The following IQCM variants were observed in gnomAD, a reference collection of about 807,000 sequenced individuals.
IQCM encodes IQ motif containing M, also known as IQ domain-containing protein M.
Under a neutral mutation model 57.6 loss-of-function variants are expected in IQCM, and 45 were observed. The observed-to-expected ratio is 0.78, with a 90% CI of 0.62 to 1.00. IQCM has a LOEUF of 1.00. Among genes scored for constraint, IQCM ranks in the 50% least tolerant of loss-of-function variants. IQCM has a pLI of 0.00. For synonymous variants in IQCM, 148 were observed against 158.9 expected (o/e 0.93, Z 0.51); for missense variants, 468 against 511.6 (o/e 0.91, Z 0.82).
chr4:149,372,993 A>G (rs186369587), intron 13 of IQCM, among the ~76,000 whole-genome samples: 7 of 152,292 alleles, frequency 4.6e-5, no homozygotes, highest in Admixed American at 4.6e-4. Context: ...AAGACAGAAT[A>G]AACAGAATAG....
At chr4:149,694,288 G>T (rs1018605189) in intron 5 of IQCM, among the ~76,000 whole-genome samples, 5 of 145,516 alleles carry the variant, frequency 3.4e-5, no homozygotes, top group African/African-American at 1.3e-4. Context: ...GCAGTGGCGG[G>T]ATCTCGGCTC....
intron 12 of IQCM, among the ~76,000 whole-genome samples, chr4:149,460,197 T>C (rs986074231): frequency 2.0e-5 from 3 of 152,174 alleles, no homozygotes; most frequent in African/African-American, 2.4e-5. Context: ...TTTCGTGTGC[T>C]TATTAGCCAT....
chr4:149,741,542 T>C (rs1341185535), intron 3 of IQCM, among the ~76,000 whole-genome samples: 1 of 152,130 alleles, frequency 6.6e-6, no homozygotes, highest in Non-Finnish European at 1.5e-5. Context: ...TTCTGTGTTA[T>C]CCACATAAAA....
chr4:149,482,512 C>G (rs564428181), intron 12 of IQCM, among the ~76,000 whole-genome samples: 1 of 151,700 alleles, frequency 6.6e-6, no homozygotes, highest in South Asian at 2.1e-4. Flanking sequence ...TTATGAAATT[C>G]TTTTTTAGAA....
chr4:149,766,298 T>C (rs550698050), intron 2 of IQCM, among the ~76,000 whole-genome samples: 1 of 152,136 alleles, frequency 6.6e-6, no homozygotes. Context: ...CTCTGTGTTC[T>C]TGGAAAATGT....
intron 12 of IQCM, among the ~76,000 whole-genome samples, chr4:149,441,811 G>C (rs1013956464): frequency 6.6e-6 from 1 of 152,126 alleles, no homozygotes; most frequent in African/African-American, 2.4e-5. Flanking sequence ...AATTCAGCTT[G>C]ACATTTAGTT....
At chr4:149,442,951 CACAG>C (rs1256649958) in intron 12 of IQCM, among the ~76,000 whole-genome samples, 2,751 of 110,986 alleles carry the variant, frequency 0.025, 24 homozygotes, top group South Asian at 0.029. Context: ...CACACACACA[CACAG>C]AGAGAGAGAG....
Position 149,547,852 on chromosome 4 carries a change from A to G in IQCM, c.1228+603T>C, listed in dbSNP as rs548728229. 2.6e-5 allele frequency among the ~76,000 whole-genome samples: 4 copies of G among 152,304 alleles called. No individual in the cohort carries two copies. In the South Asian group the frequency reaches 8.3e-4, roughly 32 times the overall value. ...AAAGAAAAGCTGAAAAGAATCTTAA[A>G]ATATTAAAGGAAAATTCATTGAGAT... On this transcript the variant is annotated intron_variant, in intron 12 of 13. Coordinates refer to ENST00000636793, the MANE Select transcript of IQCM (RefSeq NM_001363507.2).
intron 13 of IQCM, among the ~76,000 whole-genome samples, chr4:149,403,842 T>C (rs1383116080): frequency 1.3e-5 from 2 of 151,992 alleles, no homozygotes; most frequent in African/African-American, 2.4e-5. Context: ...AGATAATACA[T>C]TATGGAAAAG....
At chr4:149,689,988 T>G (rs1176556617) in intron 5 of IQCM, among the ~76,000 whole-genome samples, 1 of 152,122 alleles carries the variant, frequency 6.6e-6, no homozygotes, top group East Asian at 1.9e-4. Context: ...ACAGCCAGTA[T>G]GGAAAACAGT....
At chr4:149,704,425 A>G (rs1310480962) in intron 5 of IQCM, among the ~76,000 whole-genome samples, 1 of 151,862 alleles carries the variant, frequency 6.6e-6, no homozygotes. Flanking sequence ...CTTGTTTACC[A>G]ATTGCTTCTG....
intron 5 of IQCM, among the ~76,000 whole-genome samples, chr4:149,686,989 A>G (rs1762586966): frequency 1.3e-5 from 2 of 151,422 alleles, no homozygotes; most frequent in Non-Finnish European, 3.0e-5. Flanking sequence ...CTTCAAGTCT[A>G]AAGAGAAATT....
At chr4:149,407,002 T>C (rs1046184017) in intron 13 of IQCM, among the ~76,000 whole-genome samples, 2 of 150,524 alleles carry the variant, frequency 1.3e-5, no homozygotes, top group Admixed American at 6.6e-5. Flanking sequence ...GGAGGCCTCA[T>C]GATCATGGTG....
intron 13 of IQCM, among the ~76,000 whole-genome samples, chr4:149,358,453 T>C (rs745824333): frequency 1.3e-5 from 2 of 152,200 alleles, no homozygotes; most frequent in Non-Finnish European, 2.9e-5. Flanking sequence ...GTGTCTTTGT[T>C]CTTGTTGGTT....
intron 2 of IQCM, chr4:149,789,908 A>G (rs1350963150): frequency 5.2e-6 from 1 of 192,736 alleles, no homozygotes; most frequent in Non-Finnish European, 1.1e-5. Flanking sequence ...TGTTTCAGGC[A>G]AAGGCAAAGG....
intron 8 of IQCM, among the ~76,000 whole-genome samples, chr4:149,597,681 G>T (rs1176476840): frequency 6.6e-5 from 10 of 152,188 alleles, no homozygotes; most frequent in Non-Finnish European, 1.5e-5. Flanking sequence ...GTGAGCCACT[G>T]CACTAGACCT....
At chr4:149,629,070 C>G (rs1367476484) in intron 7 of IQCM, among the ~76,000 whole-genome samples, 1 of 152,186 alleles carries the variant, frequency 6.6e-6, no homozygotes, top group Admixed American at 6.5e-5. Flanking sequence ...TTAGAAACCA[C>G]TGTGTAAGAG....
intron 9 of IQCM, among the ~76,000 whole-genome samples, chr4:149,573,670 G>A (rs911537849): frequency 2.6e-5 from 4 of 151,350 alleles, no homozygotes; most frequent in Non-Finnish European, 5.9e-5. Flanking sequence ...AGGCAGTGAT[G>A]TGCACCTGTA....
chr4:149,586,125 C>G (rs1170495880), intron 9 of IQCM, among the ~76,000 whole-genome samples: 4 of 151,564 alleles, frequency 2.6e-5, no homozygotes, highest in Non-Finnish European at 5.9e-5. Flanking sequence ...CCAAATTAAC[C>G]AGGTAAAGAA....
Sources: allele counts gnomAD v4.1 joint callset (sites outside exome capture counted in the v4.1 genomes callset), GRCh38; gene constraint gnomAD v4.1.1; transcripts MANE v1.5; gene names NCBI Gene and HGNC (gene_info 2026-07-23, HGNC 2026-07-21).